Variants in CSTF2 observed in about 807,000 individuals in gnomAD.
The protein encoded by CSTF2 is cleavage stimulation factor subunit 2.
CSTF2 carries 8 observed loss-of-function variants against 45.4 expected under a neutral mutation model. The observed-to-expected ratio is 0.18, with a 90% CI of 0.10 to 0.32. The LOEUF (loss-of-function observed/expected upper bound fraction) is 0.32, where lower values mean the gene tolerates loss of function less well. Ranked by LOEUF, CSTF2 falls within the 10% of genes least tolerant of loss-of-function variation. The pLI is 1.00. For synonymous variants in CSTF2, 155 were observed against 158.9 expected (o/e 0.98, Z 0.18); for missense variants, 253 against 477.1 (o/e 0.53, Z 4.38).
At chrX:100,821,641 T>A (rs1430369472) in intron 2 of CSTF2, 36 bp downstream of exon 2, 1 of 1,028,366 alleles carries the variant, frequency 9.7e-7, no homozygotes, top group Non-Finnish European at 1.4e-6. Context: ...GGGAGCTTCT[T>A]AAAAATCACC....
intron 11 of CSTF2, among the ~76,000 whole-genome samples, chrX:100,836,234 A>T (rs1028941637): frequency 8.9e-6 from 1 of 112,682 alleles, no homozygotes; most frequent in African/African-American, 3.2e-5. Flanking sequence ...AATTATAAAA[A>T]GTATTTGATA....
intron 13 of CSTF2, among the ~76,000 whole-genome samples, chrX:100,838,788 T>C (rs969610486): frequency 8.9e-6 from 1 of 112,130 alleles, no homozygotes; most frequent in Non-Finnish European, 1.9e-5. Context: ...ATAAAATGTG[T>C]AAATATTTTG....
At chrX:100,833,120 A>C (rs1019353404) in intron 10 of CSTF2, 60 bp from the exon 11 acceptor site, 3 of 1,119,669 alleles carry the variant, frequency 2.7e-6, no homozygotes, top group African/African-American at 3.6e-5. Flanking sequence ...TGGATTGTTC[A>C]TCATTCTTGC....
chrX:100,822,146 A>G (rs765549709), intron 2 of CSTF2, 105 bp from the exon 3 acceptor site: 1 of 587,071 alleles, frequency 1.7e-6, no homozygotes, highest in African/African-American at 2.3e-5. Flanking sequence ...TGTCAGAGAT[A>G]TAAGGTTATT....
chrX:100,826,823 T>G, intron 7 of CSTF2, 66 bp downstream of exon 7: 4 of 1,065,909 alleles, frequency 3.8e-6, no homozygotes, highest in Non-Finnish European at 5.1e-6. Context: ...ACTGTTGCAG[T>G]GCAGCCAAAT....
At chrX:100,840,555 G>A (rs1228612410) in intron 13 of CSTF2, among the ~76,000 whole-genome samples, 159 bp from the exon 14 acceptor site, 1 of 111,694 alleles carries the variant, frequency 9.0e-6, no homozygotes, top group Non-Finnish European at 1.9e-5. Context: ...GCTTTGAGGA[G>A]TCAGGAGGCA....
Position 100,838,164 on chromosome X carries a change from G to A in CSTF2, c.1612-75G>A, listed in dbSNP as rs1189334141. The A allele has an allele frequency of 6.0e-6, 6 of 1,000,466 alleles. No homozygotes were observed. In the African/African-American group the frequency reaches 1.2e-4, roughly 20 times the overall value. 82.4% of individuals were successfully genotyped at this position (1,000,466 alleles called of 1,213,427 possible). A position where few individuals can be genotyped will look rare whatever the true frequency, so the allele number is the denominator to read the frequency against. ...AGCTTTTTGGACAGAAGCTGGTGGT[G>A]GGTTTTTTGTTTTGTTTTGTATTTT... On this transcript the variant is annotated intron_variant, in intron 12 of 13. Coordinates refer to ENST00000372972, the MANE Select transcript of CSTF2 (RefSeq NM_001325.3).
chrX:100,838,208 ACT>A, intron 12 of CSTF2, 29 bp from the exon 13 acceptor site: 1 of 1,105,300 alleles, frequency 9.0e-7, no homozygotes, highest in Non-Finnish European at 1.2e-6. Context: ...CATCATTAAA[ACT>A]CACTACCTTT....
intron 11 of CSTF2, among the ~76,000 whole-genome samples, chrX:100,834,814 T>C (rs1465746995): frequency 8.9e-6 from 1 of 112,032 alleles, no homozygotes; most frequent in Non-Finnish European, 1.9e-5. Context: ...AACAAACAAA[T>C]AACTACATAA....
chrX:100,829,821 C>A (rs73636622), intron 8 of CSTF2, among the ~76,000 whole-genome samples: 10,051 of 111,728 alleles, frequency 0.09, 1,146 homozygotes, highest in African/African-American at 0.31. Context: ...TGGGGCCAGC[C>A]CTCAATCCAT....
intron 1 of CSTF2, 96 bp downstream of exon 1, chrX:100,820,570 G>C (rs2084912469): frequency 1.1e-6 from 1 of 907,011 alleles, no homozygotes; most frequent in African/African-American, 1.9e-5. Flanking sequence ...CGGTTCGGAC[G>C]TGCAGTTCTC....
At position 100,824,177 on chromosome X, in the gene CSTF2, G is replaced by A; in HGVS notation, c.622G>A (p.Val208Ile). The A allele has an allele frequency of 1.7e-6, 2 of 1,212,060 alleles. No individual in the cohort carries two copies. Among genetic ancestry groups the A allele is most frequent in the South Asian group, 3.5e-5 (2 of 56,974 alleles). The change falls in exon 6 of 14, where the codon GTC becomes ATC. Residue 208 changes from valine to isoleucine, a missense_variant. By Grantham distance (29) the Val-to-Ile change is conservative. Around this residue, in one of 3 missense-constraint regions of CSTF2, gnomAD observed 200 missense variants for 294.0 expected, o/e 0.68. Coordinates refer to ENST00000372972, the MANE Select transcript of CSTF2 (RefSeq NM_001325.3). ...GCTGATTGCAGGCAACCCTCAGCCAGTCCATGGTGCTGGGCCTGGCTCAGG... is the reference window on the plus strand; with the variant it reads ...GCTGATTGCAGGCAACCCTCAGCCAATCCATGGTGCTGGGCCTGGCTCAGG... ...PTLIAGNPQP[V>I]HGAGPGSGSN...
intron 11 of CSTF2, among the ~76,000 whole-genome samples, chrX:100,835,254 C>T (rs1417135341): frequency 2.2e-5 from 2 of 91,215 alleles, no homozygotes; most frequent in Non-Finnish European, 4.2e-5. Context: ...CCAGCCTGGG[C>T]AGCATATTAG....
Position 100,837,454 on chromosome X carries a change from G to C in CSTF2, c.1611+5G>C, listed in dbSNP as rs753038578. Reference sequence around the variant, plus strand: ...ACTCCACAGGATCATGAGAAGGTAAGCAACACTGTCTGACTGCCTCCTTAT... The same window carrying C: ...ACTCCACAGGATCATGAGAAGGTAACCAACACTGTCTGACTGCCTCCTTAT... On this transcript the variant is annotated splice_donor_5th_base_variant and intron_variant, in intron 12 of 13. Transcript: ENST00000372972. The C allele has an allele frequency of 1.8e-5, 21 of 1,140,482 alleles. No individual in the cohort carries two copies. Among genetic ancestry groups the C allele is most frequent in the Non-Finnish European group, 2.5e-5 (21 of 833,978 alleles). The allele number at this position is 1,140,482 out of a possible 1,213,427, so 94.0% of individuals were successfully genotyped here.
At chrX:100,823,456 A>G in intron 4 of CSTF2, 28 bp downstream of exon 4, 2 of 1,204,962 alleles carry the variant, frequency 1.7e-6, no homozygotes, top group Non-Finnish European at 2.2e-6. Context: ...GTTATGAATA[A>G]AGCAAATCAC....
At chrX:100,823,054 A>G (rs6652821) in intron 3 of CSTF2, among the ~76,000 whole-genome samples, 2,474 of 111,480 alleles carry the variant, frequency 0.022, 69 homozygotes, top group African/African-American at 0.076. Flanking sequence ...CTAGTTCTCT[A>G]ACTTAGGTTA....
intron 11 of CSTF2, among the ~76,000 whole-genome samples, chrX:100,833,882 A>T (rs1383759194): frequency 1.8e-5 from 2 of 111,939 alleles, no homozygotes; most frequent in African/African-American, 6.5e-5. Context: ...CCCCCAAATG[A>T]TTCTAATGTG....
chrX:100,837,219 T>C, intron 11 of CSTF2, 120 bp from the exon 12 acceptor site: 1 of 413,622 alleles, frequency 2.4e-6, no homozygotes, highest in East Asian at 4.3e-5. Flanking sequence ...TTCAGAGTCA[T>C]TGATTTGCTT....
intron 11 of CSTF2, among the ~76,000 whole-genome samples, chrX:100,835,546 C>CT (rs2085003241): frequency 1.5e-5 from 1 of 65,094 alleles, no homozygotes; most frequent in African/African-American, 5.9e-5. Context: ...CTGTTCTATA[C>CT]CTTTTTTTTT....
Sources: allele counts gnomAD v4.1 joint callset (sites outside exome capture counted in the v4.1 genomes callset), GRCh38; gene constraint gnomAD v4.1.1; regional missense constraint gnomAD v4.1.1; transcripts MANE v1.5; gene names NCBI Gene and HGNC (gene_info 2026-07-23, HGNC 2026-07-21).